Variants in ZBTB14 observed in about 807,000 individuals in gnomAD.
The protein encoded by ZBTB14 is zinc finger and BTB domain containing 14, also known as zinc finger and BTB domain-containing protein 14.
Under a neutral mutation model 29.5 loss-of-function variants are expected in ZBTB14, and 8 were observed. That is an observed-to-expected ratio of 0.27 (90% CI 0.16 to 0.49). The LOEUF is 0.49. Among genes scored for constraint, ZBTB14 ranks in the 20% least tolerant of loss-of-function variants. The pLI, the probability that ZBTB14 is intolerant of heterozygous loss-of-function variation, is 0.99. For synonymous variants in ZBTB14, 226 were observed against 207.2 expected (o/e 1.09, Z -0.78); for missense variants, 333 against 563.8 (o/e 0.59, Z 4.15).
Position 5,292,221 on chromosome 18 carries a change from A to AG in ZBTB14, c.4-18dup. 1.5e-6 allele frequency: 2 copies of AG among 1,324,274 alleles called. No homozygotes were observed. Among genetic ancestry groups the AG allele is most frequent in the Non-Finnish European group, 2.0e-6 (2 of 983,254 alleles). 82.0% of individuals were successfully genotyped at this position (1,324,274 alleles called of 1,614,324 possible). On this transcript the variant is annotated splice_polypyrimidine_tract_variant and intron_variant, in intron 3 of 3. Transcript: ENST00000651870. ...GAAAAACTCCTACAAAAAAAAAAAAAGTTTAGTAATTATAAATAGTACTTT... is the reference window on the plus strand; with the variant it reads ...GAAAAACTCCTACAAAAAAAAAAAAAGGTTTAGTAATTATAAATAGTACTTT...
At chr18:5,296,208 G>C (rs886975102), upstream of ZBTB14, 20 of 151,188 alleles carry the variant, frequency 1.3e-4, no homozygotes, top group African/African-American at 4.8e-4. Context: ...GGCCGCCCCC[G>C]GAGGGCCCTG....
intron 1 of ZBTB14, among the ~76,000 whole-genome samples, chr18:5,295,426 G>A (rs2071931872): frequency 6.9e-6 from 1 of 145,184 alleles, no homozygotes; most frequent in South Asian, 2.1e-4. Flanking sequence ...GGCGGCGCCC[G>A]GCGGGCCGCG....
intron 3 of ZBTB14, among the ~76,000 whole-genome samples, chr18:5,292,606 C>T (rs8091348): frequency 0.41 from 62,663 of 152,044 alleles, 13,463 homozygotes; most frequent in African/African-American, 0.47. Flanking sequence ...AAAACCAGTG[C>T]TTCCTGACTA....
At chr18:5,295,787 C>T (rs1319406904), upstream of ZBTB14, 1 of 152,040 alleles carries the variant, frequency 6.6e-6, no homozygotes, top group African/African-American at 2.4e-5. Context: ...GGCCCCAGCC[C>T]CTTCCGCACC....
chr18:5,291,279 C>T lies in ZBTB14; in HGVS notation c.929G>A (p.Cys310Tyr), dbSNP rs756971572. Residue 310 changes from cysteine to tyrosine, a missense_variant, in exon 4 of 4, where the codon TGC becomes TAC. Physicochemically the swap from Cys to Tyr is radical, Grantham distance 194. Transcript: ENST00000651870. This position sits in a 1 kb window ranked among gnomAD's most constrained non-coding sequence, Gnocchi z 5.8. ...TADRPFVCEM[C>Y]TKGFTTQAHL... ...GGCCTGTGTGGTGAAACCTTTTGTG[C>T]ACATTTCACAAACAAATGGCCTGTC... 1 of 1,614,222 alleles carries T rather than the reference C, an allele frequency of 6.2e-7. No homozygotes were observed. The highest frequency in any genetic ancestry group is 8.5e-7 in the Non-Finnish European group (1 of 1,180,042).
Position 5,290,786 on chromosome 18 carries a change from G to C in ZBTB14, c.*72C>G, listed in dbSNP as rs1191883121. On this transcript the variant is annotated 3_prime_UTR_variant, in exon 4 of 4. Transcript: ENST00000651870. ...ACGTTTCCACAAAAATATTGTAACT[G>C]GCATTCACTCATTATGATCCACGTC... 6 of 1,545,736 alleles carry C rather than the reference G, an allele frequency of 3.9e-6. No individual in the cohort carries two copies. Among genetic ancestry groups the C allele is most frequent in the Non-Finnish European group, 5.2e-6 (6 of 1,146,954 alleles).
chr18:5,296,369 C>T (rs1478390967), upstream of ZBTB14, among the ~76,000 whole-genome samples: 1 of 150,306 alleles, frequency 6.7e-6, no homozygotes, highest in Non-Finnish European at 1.5e-5. Context: ...CAAGCTCCCT[C>T]CCGCCCTGGT....
intron 2 of ZBTB14, 169 bp from the exon 3 acceptor site, chr18:5,293,496 G>T: frequency 4.0e-6 from 2 of 496,532 alleles, no homozygotes; most frequent in Non-Finnish European, 3.7e-6. Context: ...GTTCTGAACA[G>T]ATATGGACTA....
chr18:5,294,540 A>G (rs983308520), intron 1 of ZBTB14, among the ~76,000 whole-genome samples: 4 of 152,166 alleles, frequency 2.6e-5, no homozygotes, highest in African/African-American at 9.7e-5. Flanking sequence ...GAGACCTGGA[A>G]GAGAGACCAT....
At position 5,291,900 on chromosome 18, in the gene ZBTB14, T is replaced by C. The variant is rs1567906865; in HGVS notation, c.308A>G (p.Glu103Gly). 3.1e-6 allele frequency: 5 copies of C among 1,614,202 alleles called. No homozygotes were observed. The highest frequency in any genetic ancestry group is 4.2e-6 in the Non-Finnish European group (5 of 1,180,046). Residue 103 changes from glutamate to glycine, a missense_variant, in exon 4 of 4, where the codon GAA (glutamate) becomes GGA (glycine). Around this residue, in one of 3 missense-constraint regions of ZBTB14, gnomAD observed 67 missense variants for 157.0 expected, o/e 0.43. Coordinates refer to ENST00000651870, the MANE Select transcript of ZBTB14 (RefSeq NM_001243702.2). This position sits in a 1 kb window ranked among gnomAD's most constrained non-coding sequence, Gnocchi z 5.8. Reference protein sequence around the residue: ...MYTAKISVKKEDVNLMMSSGQ... With the variant: ...MYTAKISVKKGDVNLMMSSGQ... ...CGATGACATCATTAAGTTAACATCT[T>C]CTTTTTTCACGGAAATCTTTGCTGT...
At chr18:5,296,996 C>T (rs986990499), upstream of ZBTB14, 1 of 151,916 alleles carries the variant, frequency 6.6e-6, no homozygotes, top group African/African-American at 2.4e-5. Context: ...CTCCCGCTCC[C>T]GCGTTTTCTG....
intron 1 of ZBTB14, chr18:5,294,863 C>T (rs568848989): frequency 6.6e-6 from 1 of 152,300 alleles, no homozygotes; most frequent in African/African-American, 2.4e-5. Context: ...GCACGACTTC[C>T]TTGTTGCAAG....
At position 5,289,593 on chromosome 18, in the gene ZBTB14, C is replaced by T. The variant is rs1251520846; in HGVS notation, c.*1265G>A. On this transcript the variant is annotated 3_prime_UTR_variant, in exon 4 of 4. Transcript: ENST00000651870. ...CAAAACTGGAATAGAGTTTATAATT[C>T]TCATTTACGGCTATGAAAAGGCAAT... The T allele has an allele frequency of 1.3e-5, 2 of 152,136 alleles. No homozygotes were observed. The highest frequency in any genetic ancestry group is 1.9e-4 in the East Asian group (1 of 5,196). The allele number at this position is 152,136 out of a possible 1,614,324, so 9.4% of individuals were successfully genotyped here.
chr18:5,291,344 A>G lies in ZBTB14; in HGVS notation c.864T>C (p.Asp288=), dbSNP rs1567905873. ...ACQACGKTFS[D]EGRLRKHEKL... is the part of the protein sequence containing the mutation. ...TCTCATGCTTCCTCAATCTGCCTTCATCAGAAAACGTCTTCCCACACGCCT... is the reference window on the plus strand; with the variant it reads ...TCTCATGCTTCCTCAATCTGCCTTCGTCAGAAAACGTCTTCCCACACGCCT... The change falls in exon 4 of 4, where the codon GAT becomes GAC. Residue 288 remains aspartate, a synonymous_variant. Coordinates refer to ENST00000651870, the MANE Select transcript of ZBTB14 (RefSeq NM_001243702.2). The surrounding 1 kb of genome is among the most constrained non-coding windows in gnomAD (Gnocchi z 5.8). 1 of 1,614,242 alleles carries G rather than the reference A, an allele frequency of 6.2e-7. No homozygotes were observed. The highest frequency in any genetic ancestry group is 8.5e-7 in the Non-Finnish European group (1 of 1,180,046).
upstream of ZBTB14, chr18:5,295,767 C>G (rs1444976749): frequency 6.6e-6 from 1 of 152,214 alleles, no homozygotes; most frequent in Non-Finnish European, 1.5e-5. Flanking sequence ...CCCGCGCCCG[C>G]CTTGCGGACG....
intron 1 of ZBTB14, chr18:5,294,652 C>T (rs1374358707): frequency 6.6e-6 from 1 of 152,222 alleles, no homozygotes; most frequent in Non-Finnish European, 1.5e-5. Context: ...CTGTTGCCAG[C>T]ATCTGTGTAG....
rs146246023 is a variant in ZBTB14, at chr18:5,291,677, T to C, written c.531A>G (p.Thr177=). ...CCTGACTCGGGGGTGTGCCTTCTAC[T>C]GTGTCATCAGAAGGACTGTCATCCT... The part of the protein sequence containing the change: ...GDQDDSPSDD[T]VEGTPPSQED... The change falls in exon 4 of 4, where the codon ACA becomes ACG. Residue 177 remains threonine, a synonymous_variant. Coordinates refer to ENST00000651870, the MANE Select transcript of ZBTB14 (RefSeq NM_001243702.2). This position sits in a 1 kb window ranked among gnomAD's most constrained non-coding sequence, Gnocchi z 5.8. 2.5e-5 allele frequency: 41 copies of C among 1,614,048 alleles called. No individual in the cohort carries two copies. Among genetic ancestry groups the C allele is most frequent in the Non-Finnish European group, 2.5e-6 (3 of 1,180,026 alleles).
chr18:5,295,114 G>C (rs1296369778), intron 1 of ZBTB14, among the ~76,000 whole-genome samples: 1 of 149,808 alleles, frequency 6.7e-6, no homozygotes, highest in Non-Finnish European at 1.5e-5. Context: ...GAGCGCGCAG[G>C]GAGGGACTGC....
At position 5,290,843 on chromosome 18, in the gene ZBTB14, C is replaced by G; in HGVS notation, c.*15G>C. 1.2e-6 allele frequency: 2 copies of G among 1,606,734 alleles called. No individual in the cohort carries two copies. The highest frequency in any genetic ancestry group is 1.7e-6 in the Non-Finnish European group (2 of 1,176,074). On this transcript the variant is annotated 3_prime_UTR_variant, in exon 4 of 4. Coordinates refer to ENST00000651870, the MANE Select transcript of ZBTB14 (RefSeq NM_001243702.2). ...GTCTCCACTTTCCAGGCAAAGTGTC[C>G]CTGTCCCACCGCCTCTAGCTACAGG...
Sources: allele counts gnomAD v4.1 joint callset (sites outside exome capture counted in the v4.1 genomes callset), GRCh38; gene constraint gnomAD v4.1.1; regional missense constraint gnomAD v4.1.1; non-coding constraint Gnocchi (gnomAD v3.1); transcripts MANE v1.5; gene names NCBI Gene and HGNC (gene_info 2026-07-23, HGNC 2026-07-21).